Variants in GRM4 observed in about 807,000 individuals in gnomAD.
The protein encoded by GRM4 is glutamate metabotropic receptor 4.
Under a neutral mutation model 81.7 loss-of-function variants are expected in GRM4, and 28 were observed. The ratio of observed to expected loss-of-function variants is 0.34; its 90% CI spans 0.25 to 0.47. The LOEUF (loss-of-function observed/expected upper bound fraction) is 0.47. GRM4 is among the 20% of genes least tolerant of loss of function. GRM4 has a pLI of 1.00. For missense variants in GRM4, 948 were observed against 1,290.0 expected (o/e 0.73, Z 4.06); for synonymous variants, 488 against 528.8 (o/e 0.92, Z 1.06).
At chr6:34,041,516 C>T (rs1765019965) in intron 6 of GRM4, among the ~76,000 whole-genome samples, 1 of 152,224 alleles carries the variant, frequency 6.6e-6, no homozygotes. Context: ...TCCTCCCCTC[C>T]CCTCCGTGTC....
chr6:34,031,267 T>C (rs948584817), intron 9 of GRM4, among the ~76,000 whole-genome samples: 3 of 152,120 alleles, frequency 2.0e-5, no homozygotes, highest in African/African-American at 7.2e-5. Flanking sequence ...CCATCCCTGC[T>C]CTCCTGTGTG....
chr6:34,111,592 G>A lies in GRM4; in HGVS notation c.520-19493C>T, dbSNP rs562991537. On this transcript the variant is annotated intron_variant, in intron 2 of 10. Transcript: ENST00000538487. The surrounding 1 kb of genome is among the most constrained non-coding windows in gnomAD (Gnocchi z 5.1). ...GAGTGCTGTCCCCCATCCACACCCC[G>A]GCAGGGGACAGCTTTCTGCAGGGCT... Among the ~76,000 whole-genome samples, 48 of 152,326 alleles carry A rather than the reference G, an allele frequency of 3.2e-4. No individual in the cohort carries two copies. Among genetic ancestry groups the A allele is most frequent in the Non-Finnish European group, 5.7e-4 (39 of 68,030 alleles).
chr6:34,092,217 C>G lies in GRM4; in HGVS notation c.520-118G>C. 1 of 654,338 alleles carries G rather than the reference C, an allele frequency of 1.5e-6. No homozygotes were observed. The highest frequency in any genetic ancestry group is 2.6e-6 in the Non-Finnish European group (1 of 380,558). 40.5% of individuals were successfully genotyped at this position (654,338 alleles called of 1,614,324 possible). A position where few individuals can be genotyped will look rare whatever the true frequency, so the allele number is the denominator to read the frequency against. On this transcript the variant is annotated intron_variant, in intron 2 of 10. Transcript: ENST00000538487. The surrounding 1 kb of genome is among the most constrained non-coding windows in gnomAD (Gnocchi z 6.8). ...CCCACAGCCTTGGGACCACCACAGC[C>G]CACCCCTCCCCATGGGCGATGCCTC...
chr6:34,118,838 A>C (rs1769695972), intron 2 of GRM4, among the ~76,000 whole-genome samples: 1 of 152,206 alleles, frequency 6.6e-6, no homozygotes, highest in South Asian at 2.1e-4. Flanking sequence ...TCAACAGCAA[A>C]ATTGAGGGCC....
At chr6:34,084,460 C>A (rs1343410190) in intron 3 of GRM4, among the ~76,000 whole-genome samples, 1 of 152,140 alleles carries the variant, frequency 6.6e-6, no homozygotes, top group African/African-American at 2.4e-5. Context: ...GCCTGCTCCA[C>A]CAAGGAGCAC....
chr6:34,155,101 C>T lies in GRM4; in HGVS notation c.290G>A (p.Cys97Tyr), dbSNP rs866644696. The T allele has an allele frequency of 1.8e-5, 28 of 1,526,206 alleles. No individual in the cohort carries two copies. The Middle Eastern group carries it at 3.7e-3, about 201-fold the overall frequency. 94.5% of individuals were successfully genotyped at this position (1,526,206 alleles called of 1,614,324 possible). ...CACCTGAGCAGATTCCGGAAGGAGG[C>T]AGCGGGGGCGGCGGGGGTCTATTTC... Residue 97 changes from cysteine (C) to tyrosine (Y), a missense_variant, in exon 1 of 9, where the codon TGC becomes TAC. Cys to Tyr is a radical substitution (Grantham distance 194). Transcript: ENST00000374177.
At chr6:34,139,084 G>A (rs942298345) in intron 1 of GRM4, among the ~76,000 whole-genome samples, 8 of 152,250 alleles carry the variant, frequency 5.3e-5, no homozygotes, top group South Asian at 4.1e-4. Context: ...GGCCACAGCC[G>A]CATGCTAAGA....
Position 34,035,975 on chromosome 6 carries a change from A to T in GRM4, c.2135T>A (p.Leu712Gln). The change falls in exon 9 of 11, where the codon CTG (leucine) becomes CAG (glutamine). Residue 712 changes from leucine (L) to glutamine (Q), a missense_variant. Physicochemically the swap from Leu to Gln is moderately radical, Grantham distance 113. Transcript: ENST00000538487. The surrounding 1 kb of genome is among the most constrained non-coding windows in gnomAD (Gnocchi z 6.6). Reference sequence around the variant, plus strand: ...CACCACAAACCACACACAGATGCCCAGCAGCTGCAGCGAGATGAGGCTGAA... The same window carrying T: ...CACCACAAACCACACACAGATGCCCTGCAGCTGCAGCGAGATGAGGCTGAA... ...ITFSLISLQL[L>Q]GICVWFVVDP... 6.2e-7 allele frequency: 1 copy of T among 1,613,584 alleles called. No homozygotes were observed.
intron 10 of GRM4, among the ~76,000 whole-genome samples, chr6:34,026,239 C>T (rs551146906): frequency 1.3e-5 from 2 of 152,174 alleles, no homozygotes; most frequent in South Asian, 4.1e-4. Flanking sequence ...GACACCTTCC[C>T]ACTCCTCCTG....
chr6:34,110,912 A>C, intron 2 of GRM4: 5 of 1,182,864 alleles, frequency 4.2e-6, no homozygotes, highest in Non-Finnish European at 5.4e-6. Flanking sequence ...GAGTATGGAC[A>C]GTAAGAGCCC....
chr6:34,142,754 C>T (rs1770743817), intron 1 of GRM4, among the ~76,000 whole-genome samples: 1 of 152,218 alleles, frequency 6.6e-6, no homozygotes, highest in Admixed American at 6.5e-5. Context: ...GTGCAAGGCG[C>T]TCCCTCTCAG....
intron 2 of GRM4, among the ~76,000 whole-genome samples, chr6:34,104,145 ACACAGGC>A (rs1768999497): frequency 6.6e-6 from 1 of 152,242 alleles, no homozygotes; most frequent in Non-Finnish European, 1.5e-5. Flanking sequence ...GTGGGCCAGG[ACACAGGC>A]AATGATGACC....
Position 34,035,537 on chromosome 6 carries a change from A to AAAGAATGCAGAATGAGGCAT in GRM4, c.2442+130_2442+131insATGCCTCATTCTGCATTCTT. 1 of 579,140 alleles carries AAAGAATGCAGAATGAGGCAT rather than the reference A, an allele frequency of 1.7e-6. No individual in the cohort carries two copies. Among genetic ancestry groups the AAAGAATGCAGAATGAGGCAT allele is most frequent in the East Asian group, 3.1e-5 (1 of 32,666 alleles). 35.9% of individuals were successfully genotyped at this position (579,140 alleles called of 1,614,324 possible). A position where few individuals can be genotyped will look rare whatever the true frequency, so the allele number is the denominator to read the frequency against. On this transcript the variant is annotated intron_variant, in intron 9 of 10. Transcript: ENST00000538487. The surrounding 1 kb of genome is among the most constrained non-coding windows in gnomAD (Gnocchi z 6.6). ...GCATGAAAGAAGGCAGAATGAGGCAAGAAAGAAGGCAGAATGAGGCATGAA... is the reference window on the plus strand; with the variant it reads ...GCATGAAAGAAGGCAGAATGAGGCAAAAGAATGCAGAATGAGGCATGAAAGAAGGCAGAATGAGGCATGAA...
chr6:34,094,216 A>C (rs1768393116), intron 2 of GRM4, among the ~76,000 whole-genome samples: 1 of 152,214 alleles, frequency 6.6e-6, no homozygotes, highest in Non-Finnish European at 1.5e-5. Flanking sequence ...GAAACAAAAC[A>C]TGTGCATTGC....
chr6:34,131,888 C>T (rs1257962456), intron 2 of GRM4, among the ~76,000 whole-genome samples: 1 of 152,110 alleles, frequency 6.6e-6, no homozygotes, highest in South Asian at 2.1e-4. Context: ...AGGGACCAAG[C>T]AGCTTCCTCT....
At chr6:34,027,027 T>C (rs1467272520) in intron 10 of GRM4, among the ~76,000 whole-genome samples, 1 of 151,938 alleles carries the variant, frequency 6.6e-6, no homozygotes, top group East Asian at 1.9e-4. Flanking sequence ...CAGGTAGACA[T>C]GAAAGGCCAA....
At chr6:34,094,705 G>T (rs534988765) in intron 2 of GRM4, among the ~76,000 whole-genome samples, 1 of 152,150 alleles carries the variant, frequency 6.6e-6, no homozygotes, top group Non-Finnish European at 1.5e-5. Flanking sequence ...AGCCAGGAGC[G>T]ATCATCACCT....
At chr6:34,058,245 A>G (rs1411310041) in intron 5 of GRM4, among the ~76,000 whole-genome samples, 1 of 152,110 alleles carries the variant, frequency 6.6e-6, no homozygotes, top group Non-Finnish European at 1.5e-5. Context: ...CAGGGCTAGA[A>G]GGCGCCATGG....
intron 2 of GRM4, among the ~76,000 whole-genome samples, chr6:34,093,168 T>G (rs1351899642): frequency 1.3e-5 from 2 of 152,232 alleles, no homozygotes; most frequent in Admixed American, 1.3e-4. Flanking sequence ...AAGAAACCTG[T>G]GGCCAGACTT....
Sources: gnomAD v4.1 joint callset for allele counts (sites outside exome capture counted in the v4.1 genomes callset) on GRCh38, gnomAD v4.1.1 for gene constraint, Gnocchi (gnomAD v3.1) non-coding constraint, MANE v1.5 for transcripts, NCBI Gene and HGNC (gene_info 2026-07-23, HGNC 2026-07-21) for gene names.